Variants in MAPK10 observed in about 807,000 individuals in gnomAD.
MAPK10 encodes mitogen-activated protein kinase 10.
Under a neutral mutation model 59.3 loss-of-function variants are expected in MAPK10, and 25 were observed. The ratio of observed to expected loss-of-function variants is 0.42; its 90% CI spans 0.31 to 0.59. The LOEUF (loss-of-function observed/expected upper bound fraction) is 0.59, where lower values mean the gene tolerates loss of function less well. Among genes scored for constraint, MAPK10 ranks in the 20% least tolerant of loss-of-function variants. The pLI is 0.15. For missense variants in MAPK10, 351 were observed against 568.9 expected, an observed-to-expected ratio of 0.62 and a Z score of 3.90; for synonymous variants, 190 against 200.5, an observed-to-expected ratio of 0.95 and a Z score of 0.44.
intron 1 of MAPK10, among the ~76,000 whole-genome samples, chr4:86,356,106 A>C (rs1734341578): frequency 6.6e-6 from 1 of 152,098 alleles, no homozygotes; most frequent in African/African-American, 2.4e-5. Flanking sequence ...AATCCTGTTT[A>C]TTACTGTGCA....
At chr4:86,157,487 T>G (rs2068170723) in intron 4 of MAPK10, among the ~76,000 whole-genome samples, 1 of 151,968 alleles carries the variant, frequency 6.6e-6, no homozygotes, top group East Asian at 1.9e-4. Context: ...ATGCCCAGTT[T>G]CCAGTTTGCA....
intron 2 of MAPK10, among the ~76,000 whole-genome samples, chr4:86,307,782 AG>A (rs1399174850): frequency 1.3e-5 from 2 of 152,116 alleles, no homozygotes; most frequent in African/African-American, 4.8e-5. Context: ...CTTCATTTCC[AG>A]GGTGAAAAGT....
At chr4:86,256,826 C>T (rs2093749328) in intron 2 of MAPK10, among the ~76,000 whole-genome samples, 1 of 149,540 alleles carries the variant, frequency 6.7e-6, no homozygotes, top group Non-Finnish European at 1.5e-5. Context: ...CTGCAAGCTC[C>T]GCCTCCCGGG....
At chr4:86,251,883 T>C (rs960340268) in intron 2 of MAPK10, among the ~76,000 whole-genome samples, 12 of 135,220 alleles carry the variant, frequency 8.9e-5, no homozygotes, top group Non-Finnish European at 1.7e-4. Context: ...TGGTGTGAGA[T>C]GATATCTCAT....
At chr4:86,126,937 C>A (rs2060167639) in intron 4 of MAPK10, among the ~76,000 whole-genome samples, 1 of 151,986 alleles carries the variant, frequency 6.6e-6, no homozygotes, top group Non-Finnish European at 1.5e-5. Context: ...TGAACCACTT[C>A]ACTCTAATTC....
At chr4:86,588,362 A>AT (rs1252459434) in intron 1 of MAPK10, among the ~76,000 whole-genome samples, 3 of 152,062 alleles carry the variant, frequency 2.0e-5, no homozygotes, top group South Asian at 4.1e-4. Context: ...GGTTGTAAAG[A>AT]TTTTTTTTAA....
intron 2 of MAPK10, among the ~76,000 whole-genome samples, chr4:86,228,319 C>T (rs1211731852): frequency 3.9e-5 from 6 of 152,150 alleles, no homozygotes; most frequent in African/African-American, 1.4e-4. Flanking sequence ...TAGGAATTAG[C>T]TAGCTCTGGG....
intron 1 of MAPK10, among the ~76,000 whole-genome samples, chr4:86,481,278 G>A (rs964491383): frequency 1.3e-5 from 2 of 152,088 alleles, no homozygotes; most frequent in African/African-American, 4.8e-5. Flanking sequence ...CAGGAGGGCA[G>A]GAGAAAATCA....
intron 13 of MAPK10, chr4:86,024,608 G>A (rs1246600580): frequency 6.6e-6 from 1 of 152,198 alleles, no homozygotes; most frequent in African/African-American, 2.4e-5. Flanking sequence ...TAGTAGCACA[G>A]AGTAAGTATT....
intron 5 of MAPK10, 39 bp from the exon 6 acceptor site, chr4:86,103,283 G>GA (rs746653934): frequency 2.0e-6 from 2 of 987,000 alleles, no homozygotes; most frequent in Non-Finnish European, 3.2e-6. Context: ...ACGAGAGAAA[G>GA]AAAAAAGAGA....
At chr4:86,262,210 A>G (rs1171022743) in intron 2 of MAPK10, among the ~76,000 whole-genome samples, 2 of 152,192 alleles carry the variant, frequency 1.3e-5, no homozygotes, top group Non-Finnish European at 2.9e-5. Flanking sequence ...TAGCTATCAC[A>G]GGAGTGGGTT....
intron 1 of MAPK10, among the ~76,000 whole-genome samples, chr4:86,561,511 G>A (rs1760677820): frequency 1.3e-5 from 2 of 152,236 alleles, no homozygotes; most frequent in East Asian, 3.9e-4. Context: ...ACAATCAACT[G>A]TTCATTCTTG....
intron 11 of MAPK10, among the ~76,000 whole-genome samples, chr4:86,038,625 G>T (rs751980147): frequency 6.6e-6 from 1 of 151,494 alleles, no homozygotes; most frequent in East Asian, 1.9e-4. Flanking sequence ...TAAAAATTTT[G>T]GTAAAATGAC....
chr4:86,377,945 G>A (rs1007121730), intron 1 of MAPK10, among the ~76,000 whole-genome samples: 1 of 152,080 alleles, frequency 6.6e-6, no homozygotes, highest in African/African-American at 2.4e-5. Context: ...TGCTCTGGCA[G>A]CTGATTAGAT....
chr4:86,272,492 T>C (rs2148774466), intron 2 of MAPK10, among the ~76,000 whole-genome samples: 1 of 152,248 alleles, frequency 6.6e-6, no homozygotes, highest in Admixed American at 6.6e-5. Flanking sequence ...AACTTTTATA[T>C]GGTATAAAGT....
At chr4:86,090,841 T>C (rs2052974835) in intron 9 of MAPK10, 1 of 152,124 alleles carries the variant, frequency 6.6e-6, no homozygotes, top group Admixed American at 6.6e-5. Context: ...ATTCAAATGT[T>C]TAGAAAAAAA....
rs528723043 is a variant in MAPK10, at chr4:86,375,094, A to G, written c.-121-20450T>C. Reference sequence around the variant, plus strand: ...ATGCGAGGGATTTTTAAATTGCTAAATCATTACAGTGATGGGAATAAAGCA... The same window carrying G: ...ATGCGAGGGATTTTTAAATTGCTAAGTCATTACAGTGATGGGAATAAAGCA... On this transcript the variant is annotated intron_variant, in intron 1 of 13. Transcript: ENST00000361569. Among the ~76,000 whole-genome samples, 8 of 152,324 alleles carry G rather than the reference A, an allele frequency of 5.3e-5. No homozygotes were observed. In the East Asian group the frequency reaches 1.5e-3, roughly 29 times the overall value.
At chr4:86,166,768 T>C (rs1308286256) in intron 3 of MAPK10, among the ~76,000 whole-genome samples, 1 of 152,056 alleles carries the variant, frequency 6.6e-6, no homozygotes, top group Non-Finnish European at 1.5e-5. Flanking sequence ...ATGCCAGCTG[T>C]CACCTAAACA....
At chr4:86,023,375 C>A (rs1408178825) in intron 13 of MAPK10, among the ~76,000 whole-genome samples, 3 of 152,016 alleles carry the variant, frequency 2.0e-5, no homozygotes, top group African/African-American at 7.3e-5. Flanking sequence ...TGTAAATTTC[C>A]CAGCTGTGTT....
Sources: allele counts gnomAD v4.1 joint callset (sites outside exome capture counted in the v4.1 genomes callset), GRCh38; gene constraint gnomAD v4.1.1; transcripts MANE v1.5; gene names NCBI Gene and HGNC (gene_info 2026-07-23, HGNC 2026-07-21).